STX8: variants seen among roughly 807,000 people sequenced by gnomAD.
STX8 encodes syntaxin 8.
In STX8, 23 loss-of-function variants were observed where a neutral mutation model predicts 37.5. That is an observed-to-expected ratio of 0.61 (90% CI 0.44 to 0.87). The LOEUF is 0.87. Among genes scored for constraint, STX8 ranks in the 40% least tolerant of loss-of-function variants. The probability of loss-of-function intolerance (pLI) is 0.00; values close to 1 mark genes in which losing one functional copy is unlikely to be tolerated. For synonymous variants in STX8, 115 were observed against 99.1 expected, an observed-to-expected ratio of 1.16 and a Z score of -0.95; for missense variants, 313 against 284.7, an observed-to-expected ratio of 1.10 and a Z score of -0.71.
chr17:9,330,658 C>T (rs1406224837), intron 7 of STX8, among the ~76,000 whole-genome samples: 3 of 152,230 alleles, frequency 2.0e-5, no homozygotes, highest in Non-Finnish European at 4.4e-5. Flanking sequence ...TTCACGTTTA[C>T]GAACAACAAG....
chr17:9,532,377 A>G (rs1238674847), intron 4 of STX8, among the ~76,000 whole-genome samples: 1 of 152,252 alleles, frequency 6.6e-6, no homozygotes, highest in Non-Finnish European at 1.5e-5. Flanking sequence ...TAAAGAATGC[A>G]TATTATATTA....
At chr17:9,386,228 T>C (rs1912009721) in intron 6 of STX8, among the ~76,000 whole-genome samples, 1 of 152,080 alleles carries the variant, frequency 6.6e-6, no homozygotes, top group Non-Finnish European at 1.5e-5. Context: ...GGGGTATATC[T>C]GTTAATGGAA....
intron 6 of STX8, among the ~76,000 whole-genome samples, chr17:9,441,508 T>G (rs1175261790): frequency 2.0e-5 from 3 of 149,972 alleles, no homozygotes; most frequent in South Asian, 4.2e-4. Flanking sequence ...AAAAAGAAAC[T>G]GAGTCAAATA....
intron 4 of STX8, among the ~76,000 whole-genome samples, chr17:9,513,554 C>T (rs1905085701): frequency 2.0e-5 from 3 of 152,278 alleles, no homozygotes; most frequent in African/African-American, 7.2e-5. Flanking sequence ...GAAACAGGAA[C>T]TCTTATACAC....
intron 5 of STX8, among the ~76,000 whole-genome samples, chr17:9,502,831 G>A (rs138376588): frequency 0.016 from 2,477 of 152,132 alleles, 67 homozygotes; most frequent in African/African-American, 0.056. Flanking sequence ...GGCCGGGCGC[G>A]GTGGCTCATG....
chr17:9,271,748 C>CAAAAAAA (rs71135959), intron 7 of STX8, among the ~76,000 whole-genome samples: 5 of 63,428 alleles, frequency 7.9e-5, no homozygotes, highest in Non-Finnish European at 1.0e-4. Context: ...GACTCCATCT[C>CAAAAAAA]AAAAAAAAAA....
chr17:9,515,237 A>T (rs1905129486), intron 4 of STX8, among the ~76,000 whole-genome samples: 1 of 152,214 alleles, frequency 6.6e-6, no homozygotes, highest in African/African-American at 2.4e-5. Flanking sequence ...CACAGAAGGC[A>T]CTAAAAAATT....
chr17:9,484,670 A>AT (rs1168659211), intron 6 of STX8, among the ~76,000 whole-genome samples: 4 of 151,088 alleles, frequency 2.6e-5, no homozygotes, highest in African/African-American at 9.7e-5. Flanking sequence ...ACAAAAAAAA[A>AT]AAAAAAATTA....
chr17:9,397,207 C>A (rs905471476), intron 6 of STX8, among the ~76,000 whole-genome samples: 1 of 152,114 alleles, frequency 6.6e-6, no homozygotes, highest in African/African-American at 2.4e-5. Context: ...ACCAGCCTGG[C>A]CAACATGGTG....
chr17:9,269,611 G>A (rs932280052), intron 7 of STX8, among the ~76,000 whole-genome samples: 1 of 152,188 alleles, frequency 6.6e-6, no homozygotes, highest in African/African-American at 2.4e-5. Context: ...CAACCCAAAA[G>A]GTCAGATTTG....
At chr17:9,426,078 C>G (rs1372181520) in intron 6 of STX8, among the ~76,000 whole-genome samples, 3 of 152,082 alleles carry the variant, frequency 2.0e-5, no homozygotes, top group Non-Finnish European at 4.4e-5. Context: ...TAATCTGATA[C>G]AATGCCTAAG....
At chr17:9,494,008 G>C (rs7208166) in intron 5 of STX8, among the ~76,000 whole-genome samples, 271 of 17,740 alleles carry the variant, frequency 0.015, 2 homozygotes, top group African/African-American at 0.022. Context: ...TTTTTGTTTT[G>C]TTTTTTTGTT....
intron 6 of STX8, among the ~76,000 whole-genome samples, chr17:9,488,078 G>A (rs1906682276): frequency 6.6e-6 from 1 of 152,142 alleles, no homozygotes; most frequent in Admixed American, 6.5e-5. Context: ...TGTAATCCCA[G>A]CATTTTGAGA....
intron 6 of STX8, among the ~76,000 whole-genome samples, chr17:9,397,636 T>A (rs1287984430): frequency 4.6e-5 from 7 of 152,126 alleles, no homozygotes. Context: ...TTTTGAATTA[T>A]AACCCAAAGT....
intron 7 of STX8, among the ~76,000 whole-genome samples, chr17:9,349,229 T>G (rs1448500626): frequency 6.6e-6 from 1 of 151,252 alleles, no homozygotes. Context: ...TGACCTTGGG[T>G]GATCTGCCTA....
At chr17:9,514,248 T>C (rs761461962) in intron 4 of STX8, among the ~76,000 whole-genome samples, 6 of 152,210 alleles carry the variant, frequency 3.9e-5, no homozygotes, top group Non-Finnish European at 5.9e-5. Flanking sequence ...TCATTATATA[T>C]TACATGTATG....
intron 7 of STX8, among the ~76,000 whole-genome samples, chr17:9,277,609 A>G (rs773459454): frequency 2.0e-5 from 3 of 152,174 alleles, no homozygotes; most frequent in African/African-American, 4.8e-5. Context: ...ACAACCACAC[A>G]ATAAAATGAT....
intron 7 of STX8, among the ~76,000 whole-genome samples, chr17:9,362,126 T>C (rs1911080737): frequency 6.6e-6 from 1 of 151,094 alleles, no homozygotes; most frequent in African/African-American, 2.4e-5. Context: ...AGGTCAGGAG[T>C]TCAAGATCAG....
chr17:9,547,766 C>A (rs966645524), intron 3 of STX8, among the ~76,000 whole-genome samples: 3 of 149,162 alleles, frequency 2.0e-5, no homozygotes, highest in Admixed American at 6.7e-5. Flanking sequence ...TACATTCTTT[C>A]CTTTTCTTTT....
Sources: gnomAD v4.1 joint callset for allele counts (sites outside exome capture counted in the v4.1 genomes callset) on GRCh38, gnomAD v4.1.1 for gene constraint, MANE v1.5 for transcripts, NCBI Gene and HGNC (gene_info 2026-07-23, HGNC 2026-07-21) for gene names.